The following PIP5K1B variants were observed in gnomAD, a reference collection of about 807,000 sequenced individuals.
PIP5K1B encodes the protein phosphatidylinositol-4-phosphate 5-kinase type 1 beta.
A neutral mutation model predicts 67.0 loss-of-function variants in PIP5K1B; 42 were observed. That is an observed-to-expected ratio of 0.63 (90% confidence interval 0.49 to 0.81). The LOEUF (loss-of-function observed/expected upper bound fraction) is 0.81. Among genes scored for constraint, PIP5K1B ranks in the 30% least tolerant of loss-of-function variants. The pLI, the probability that PIP5K1B is intolerant of heterozygous loss-of-function variation, is 0.00. For synonymous variants in PIP5K1B, 214 were observed against 231.4 expected (o/e 0.92, Z 0.68); for missense variants, 459 against 646.3 (o/e 0.71, Z 3.14).
chr9:68,935,005 G>C lies in PIP5K1B; in HGVS notation c.1317G>C (p.Leu439Phe), dbSNP rs770967525. ...AATGGAAGGATGAGAAGCGGGATTT[G>C]CTGACTGAAGGACAAAGTTTTAGCA... ...SQEWKDEKRDLLTEGQSFSSL... is the reference protein window; with the variant it reads ...SQEWKDEKRDFLTEGQSFSSL... The change falls in exon 13 of 16, where the codon TTG (leucine) becomes TTC (phenylalanine). Residue 439 changes from leucine (L) to phenylalanine (F), a missense_variant. Physicochemically the swap from Leu to Phe is conservative, Grantham distance 22. This residue lies in a region of PIP5K1B where 169 missense variants were observed against 171.9 expected (regional missense o/e 0.98). Transcript: ENST00000265382. 2 of 1,613,708 alleles carry C rather than the reference G, an allele frequency of 1.2e-6. No homozygotes were observed. Among genetic ancestry groups the C allele is most frequent in the Admixed American group, 1.7e-5 (1 of 59,982 alleles).
rs1437884580 is a variant in PIP5K1B at position 68,835,206 on chromosome 9, A to ACTTT, written c.69+12523_69+12524insCTTT. The stretch of plus-strand genomic sequence containing the variant: ...TTAAAATCAACTGTATCCCTCTCAA[A>ACTTT]ATCATAGAGGAGTGTAGACTTTATA... On this transcript the variant is annotated intron_variant, in intron 4 of 15. Coordinates refer to ENST00000265382, the MANE Select transcript of PIP5K1B (RefSeq NM_003558.4). Among the ~76,000 whole-genome samples, 4 of 152,350 alleles carry ACTTT rather than the reference A, an allele frequency of 2.6e-5. No individual in the cohort carries two copies. In the East Asian group the frequency reaches 7.7e-4, roughly 29 times the overall value.
At chr9:68,768,827 C>T (rs951868250) in intron 2 of PIP5K1B, among the ~76,000 whole-genome samples, 6 of 152,152 alleles carry the variant, frequency 3.9e-5, no homozygotes, top group Non-Finnish European at 7.3e-5. Context: ...AGTGCAAATG[C>T]TCTATTCTCT....
intron 4 of PIP5K1B, among the ~76,000 whole-genome samples, chr9:68,863,056 A>G (rs888271976): frequency 2.0e-5 from 3 of 152,168 alleles, no homozygotes; most frequent in Non-Finnish European, 2.9e-5. Flanking sequence ...ACATCCATTC[A>G]TGTCAGGGTT....
intron 8 of PIP5K1B, among the ~76,000 whole-genome samples, chr9:68,911,377 T>TAA (rs60001726): frequency 3.8e-4 from 51 of 133,350 alleles, no homozygotes; most frequent in African/African-American, 1.2e-3. Flanking sequence ...CCATCTCAAA[T>TAA]AAAAAAAAAA....
intron 4 of PIP5K1B, among the ~76,000 whole-genome samples, chr9:68,847,413 T>TTTTGTG (rs1554723197): frequency 9.8e-6 from 1 of 101,616 alleles, no homozygotes; most frequent in Non-Finnish European, 1.9e-5. Context: ...AGCAGTGGTT[T>TTTTGTG]TGTGTGTGTG....
chr9:69,007,419 C>T (rs952494168), intron 15 of PIP5K1B, among the ~76,000 whole-genome samples: 5 of 152,046 alleles, frequency 3.3e-5, no homozygotes, highest in East Asian at 1.9e-4. Flanking sequence ...TTGTGTATAT[C>T]GTGTGTGTGT....
intron 2 of PIP5K1B, among the ~76,000 whole-genome samples, chr9:68,814,654 C>CA (rs146215794): frequency 0.013 from 1,979 of 151,900 alleles, 45 homozygotes; most frequent in African/African-American, 0.045. Flanking sequence ...CCCATCTCTA[C>CA]AAAAAAATTT....
At chr9:68,867,544 C>G (rs1272488524) in intron 5 of PIP5K1B, among the ~76,000 whole-genome samples, 1 of 152,148 alleles carries the variant, frequency 6.6e-6, no homozygotes, top group Non-Finnish European at 1.5e-5. Flanking sequence ...ATCTTTGGTC[C>G]CCAGGCCCTG....
chr9:68,857,285 G>C (rs923749007), intron 4 of PIP5K1B, among the ~76,000 whole-genome samples: 1 of 152,188 alleles, frequency 6.6e-6, no homozygotes, highest in Admixed American at 6.5e-5. Flanking sequence ...ACTAATACAA[G>C]GAAGAACTTG....
chr9:69,001,723 C>A (rs1830832569), intron 15 of PIP5K1B, among the ~76,000 whole-genome samples: 1 of 152,098 alleles, frequency 6.6e-6, no homozygotes, highest in Admixed American at 6.5e-5. Flanking sequence ...TCCCACCAGA[C>A]CACTCCCCCA....
chr9:68,741,135 A>C (rs1828985805), intron 1 of PIP5K1B, among the ~76,000 whole-genome samples: 1 of 152,160 alleles, frequency 6.6e-6, no homozygotes, highest in South Asian at 2.1e-4. Context: ...CATGTTCTGG[A>C]GTATTAGCTT....
chr9:68,830,079 T>C (rs563578571), intron 4 of PIP5K1B, among the ~76,000 whole-genome samples: 1 of 151,904 alleles, frequency 6.6e-6, no homozygotes, highest in East Asian at 1.9e-4. Context: ...CTCTTACTAG[T>C]AAACGGGTGC....
chr9:68,919,482 G>T lies in PIP5K1B; in HGVS notation c.987G>T (p.Met329Ile). The change falls in exon 10 of 16, where the codon ATG becomes ATT. Residue 329 changes from methionine (M) to isoleucine (I), a missense_variant. Met to Ile is a conservative substitution (Grantham distance 10). Around this residue, in one of 2 missense-constraint regions of PIP5K1B, gnomAD observed 290 missense variants for 474.4 expected, o/e 0.61. Coordinates refer to ENST00000265382, the MANE Select transcript of PIP5K1B (RefSeq NM_003558.4). ...TTCTCTTTTGCTCCATCAACAGAAT[G>T]GGAGGCATTCCAGCTAAAAGCCATA... ...DGIITENPDTMGGIPAKSHRG... is the reference protein window; with the variant it reads ...DGIITENPDTIGGIPAKSHRG... 1 of 1,535,862 alleles carries T rather than the reference G, an allele frequency of 6.5e-7. No individual in the cohort carries two copies. Among genetic ancestry groups the T allele is most frequent in the Non-Finnish European group, 8.9e-7 (1 of 1,119,392 alleles).
At chr9:68,985,246 CTCT>C (rs201676082) in intron 14 of PIP5K1B, among the ~76,000 whole-genome samples, 2,066 of 151,418 alleles carry the variant, frequency 0.014, 33 homozygotes, top group African/African-American at 0.047. Flanking sequence ...AAACTAAAAT[CTCT>C]TCTTCTTTTT....
In PIP5K1B at chr9:68,811,136, C is replaced by T. The variant is rs75133747; in HGVS notation, c.-85-7325C>T. Reference sequence around the variant, plus strand: ...GGTAGTGATCTATTTAAGCTCTTAACGGATTCCCAGAGCTATAACAATAGA... The same window carrying T: ...GGTAGTGATCTATTTAAGCTCTTAATGGATTCCCAGAGCTATAACAATAGA... On this transcript the variant is annotated intron_variant, in intron 2 of 15. Transcript: ENST00000265382. Among the ~76,000 whole-genome samples the T allele has an allele frequency of 4.1e-3, 625 of 152,278 alleles. 16 individuals are homozygous for T. The highest frequency in any genetic ancestry group is 0.031 in the East Asian group (162 of 5,182).
chr9:68,774,492 C>T (rs746595047), intron 2 of PIP5K1B, among the ~76,000 whole-genome samples: 1 of 152,198 alleles, frequency 6.6e-6, no homozygotes, highest in Non-Finnish European at 1.5e-5. Context: ...TCTCCATTTA[C>T]ATTCCATGCT....
intron 6 of PIP5K1B, among the ~76,000 whole-genome samples, chr9:68,884,363 A>C: frequency 6.6e-6 from 1 of 151,900 alleles, no homozygotes; most frequent in East Asian, 1.9e-4. Context: ...CCTCAAAAAA[A>C]AAAAAAAAAA....
At chr9:68,954,658 A>G (rs929077196) in intron 14 of PIP5K1B, among the ~76,000 whole-genome samples, 1 of 152,222 alleles carries the variant, frequency 6.6e-6, no homozygotes, top group African/African-American at 2.4e-5. Context: ...GGAAATGAGG[A>G]CTTCCCAATG....
intron 2 of PIP5K1B, among the ~76,000 whole-genome samples, chr9:68,808,214 A>G (rs1223745115): frequency 6.6e-6 from 1 of 152,184 alleles, no homozygotes; most frequent in Non-Finnish European, 1.5e-5. Flanking sequence ...AAAACAAAAC[A>G]AAAGGGGAAG....
Sources: gnomAD v4.1 joint callset for allele counts (sites outside exome capture counted in the v4.1 genomes callset) on GRCh38, gnomAD v4.1.1 for gene constraint, gnomAD v4.1.1 regional missense constraint, MANE v1.5 for transcripts, NCBI Gene and HGNC (gene_info 2026-07-23, HGNC 2026-07-21) for gene names.